Variants in AGBL4 observed in about 807,000 individuals in gnomAD.
The protein encoded by AGBL4 is AGBL carboxypeptidase 4.
A neutral mutation model predicts 66.4 loss-of-function variants in AGBL4; 58 were observed. The observed-to-expected ratio is 0.87, with a 90% CI of 0.71 to 1.09. AGBL4 has a LOEUF of 1.09. Among genes scored for constraint, AGBL4 ranks in the 50% least tolerant of loss-of-function variants. The probability of loss-of-function intolerance (pLI) is 0.00; values close to 1 mark genes in which losing one functional copy is unlikely to be tolerated. For synonymous variants in AGBL4, 234 were observed against 222.9 expected (o/e 1.05, Z -0.44); for missense variants, 579 against 631.0 (o/e 0.92, Z 0.88).
chr1:49,280,941 G>T (rs923552349), intron 3 of AGBL4, among the ~76,000 whole-genome samples: 1 of 151,974 alleles, frequency 6.6e-6, no homozygotes, highest in Admixed American at 6.6e-5. Flanking sequence ...AACAGTAAAG[G>T]GTAAGAAAAT....
chr1:49,141,928 C>A (rs1033718434), intron 4 of AGBL4, among the ~76,000 whole-genome samples: 1 of 152,254 alleles, frequency 6.6e-6, no homozygotes, highest in African/African-American at 2.4e-5. Context: ...GGTTCCCCAA[C>A]CTCTGGGTCA....
intron 6 of AGBL4, among the ~76,000 whole-genome samples, chr1:48,705,547 T>A (rs1646869634): frequency 6.6e-6 from 1 of 152,216 alleles, no homozygotes; most frequent in Non-Finnish European, 1.5e-5. Context: ...GGGTCTCAGG[T>A]TTGGCAACTG....
At chr1:48,566,268 C>T (rs190324173) in intron 11 of AGBL4, among the ~76,000 whole-genome samples, 1 of 152,344 alleles carries the variant, frequency 6.6e-6, no homozygotes, top group African/African-American at 2.4e-5. Context: ...TCATGACCCA[C>T]TCTTCACAAT....
chr1:49,687,099 A>G (rs1571329083), intron 3 of AGBL4, among the ~76,000 whole-genome samples: 1 of 152,210 alleles, frequency 6.6e-6, no homozygotes, highest in East Asian at 1.9e-4. Context: ...TTTGGACTTT[A>G]CCCTAAAGGT....
chr1:49,147,541 C>T (rs542204637), intron 4 of AGBL4, among the ~76,000 whole-genome samples: 4 of 152,080 alleles, frequency 2.6e-5, no homozygotes, highest in Non-Finnish European at 5.9e-5. Context: ...CACACAGTAG[C>T]TAGTATAAAG....
At position 49,709,232 on chromosome 1, in the gene AGBL4, C is replaced by T. The variant is rs1647444807; in HGVS notation, c.158-11795G>A. On this transcript the variant is annotated intron_variant, in intron 2 of 13. Coordinates refer to ENST00000371839, the MANE Select transcript of AGBL4 (RefSeq NM_032785.4). The stretch of plus-strand genomic sequence containing the variant: ...TATAAGCCCCCGACTGGGGCTGCTG[C>T]CTTTCTTTCAGAGATGCCCTGCCCA... Among the ~76,000 whole-genome samples, 4 of 152,230 alleles carry T rather than the reference C, an allele frequency of 2.6e-5. No individual in the cohort carries two copies. The South Asian group carries it at 6.2e-4, about 24-fold the overall frequency.
At chr1:49,247,441 C>T (rs1651730909) in intron 3 of AGBL4, among the ~76,000 whole-genome samples, 2 of 152,066 alleles carry the variant, frequency 1.3e-5, no homozygotes, top group South Asian at 4.1e-4. Flanking sequence ...TCAAGAATGT[C>T]CAAGGCTGTT....
chr1:48,722,258 G>A (rs956796041), intron 6 of AGBL4, among the ~76,000 whole-genome samples: 4 of 152,112 alleles, frequency 2.6e-5, no homozygotes, highest in African/African-American at 9.7e-5. Context: ...AAATGGAACA[G>A]GGACGAATGC....
intron 3 of AGBL4, among the ~76,000 whole-genome samples, chr1:49,473,599 G>T (rs1474120445): frequency 6.6e-6 from 1 of 152,004 alleles, no homozygotes; most frequent in Non-Finnish European, 1.5e-5. Flanking sequence ...TTGCTCTCTT[G>T]ATAGTTTATT....
At chr1:49,942,644 A>G (rs956094312) in intron 1 of AGBL4, among the ~76,000 whole-genome samples, 9 of 152,220 alleles carry the variant, frequency 5.9e-5, no homozygotes, top group Admixed American at 4.6e-4. Context: ...AAAAGAATGA[A>G]ATTGTATCCC....
At chr1:48,797,666 C>T (rs761472694) in intron 6 of AGBL4, among the ~76,000 whole-genome samples, 11 of 152,118 alleles carry the variant, frequency 7.2e-5, no homozygotes, top group Non-Finnish European at 1.0e-4. Context: ...GGCACAATCT[C>T]GGCTCACTGC....
At chr1:49,318,445 A>G (rs1645077290) in intron 3 of AGBL4, among the ~76,000 whole-genome samples, 1 of 151,894 alleles carries the variant, frequency 6.6e-6, no homozygotes, top group South Asian at 2.1e-4. Context: ...GATGATAGCA[A>G]ACACATGGGG....
intron 5 of AGBL4, among the ~76,000 whole-genome samples, chr1:49,028,924 C>T (rs1663959372): frequency 6.6e-6 from 1 of 152,054 alleles, no homozygotes; most frequent in Admixed American, 6.6e-5. Context: ...AATCAATCAA[C>T]ATAATATACA....
chr1:49,233,520 A>G (rs986742458), intron 4 of AGBL4, among the ~76,000 whole-genome samples: 2 of 152,224 alleles, frequency 1.3e-5, no homozygotes, highest in Non-Finnish European at 2.9e-5. Context: ...ATGACTCCAA[A>G]GTCAGTACTT....
At chr1:49,845,244 T>C in intron 2 of AGBL4, 2 of 1,551,422 alleles carry the variant, frequency 1.3e-6, no homozygotes, top group Admixed American at 1.7e-5. Context: ...AGAAACCCTA[T>C]AAATGCACTC....
chr1:49,738,180 C>A (rs1434938505), intron 2 of AGBL4, among the ~76,000 whole-genome samples: 2 of 152,226 alleles, frequency 1.3e-5, no homozygotes, highest in East Asian at 1.9e-4. Context: ...TGACTGAAGG[C>A]ACCTGGAAAA....
rs1444654112 is a variant in AGBL4, at chr1:49,381,852, G to A, written c.283-135988C>T. Among the ~76,000 whole-genome samples, 4 of 136,388 alleles carry A rather than the reference G, an allele frequency of 2.9e-5. No homozygotes were observed. The East Asian group carries it at 6.1e-4, about 21-fold the overall frequency. 89.5% of individuals were successfully genotyped at this position (136,388 alleles called of 152,430 possible). ...CACACTCTGGGGACTGTGGTGGGGTGGGGGAAGGGGGGAGGGATAGCTTTA... is the reference window on the plus strand; with the variant it reads ...CACACTCTGGGGACTGTGGTGGGGTAGGGGAAGGGGGGAGGGATAGCTTTA... On this transcript the variant is annotated intron_variant, in intron 3 of 13. Coordinates refer to ENST00000371839, the MANE Select transcript of AGBL4 (RefSeq NM_032785.4).
intron 2 of AGBL4, among the ~76,000 whole-genome samples, chr1:49,848,528 T>A (rs941407145): frequency 2.0e-5 from 3 of 152,214 alleles, no homozygotes; most frequent in Admixed American, 1.3e-4. Flanking sequence ...TGGATGGAAC[T>A]GGAGGCCATT....
intron 3 of AGBL4, among the ~76,000 whole-genome samples, chr1:49,428,203 C>A (rs1645709284): frequency 6.6e-6 from 1 of 152,138 alleles, no homozygotes; most frequent in South Asian, 2.1e-4. Flanking sequence ...TAAAAAATAT[C>A]AGGAAGCTTG....
Sources: allele counts gnomAD v4.1 joint callset (sites outside exome capture counted in the v4.1 genomes callset), GRCh38; gene constraint gnomAD v4.1.1; transcripts MANE v1.5; gene names NCBI Gene and HGNC (gene_info 2026-07-23, HGNC 2026-07-21).